SPAST: variants seen among roughly 807,000 people sequenced by gnomAD.
SPAST encodes the protein spastin.
A neutral mutation model predicts 76.6 loss-of-function variants in SPAST; 30 were observed. That is an observed-to-expected ratio of 0.39 (90% CI 0.29 to 0.53). The LOEUF (loss-of-function observed/expected upper bound fraction) is 0.53. Among genes scored for constraint, SPAST ranks in the 20% least tolerant of loss-of-function variants. SPAST has a pLI of 0.68. For missense variants in SPAST, 717 were observed against 770.5 expected (o/e 0.93, Z 0.82); for synonymous variants, 305 against 281.0 (o/e 1.09, Z -0.86).
intron 4 of SPAST, among the ~76,000 whole-genome samples, chr2:32,106,363 G>A (rs928752663): frequency 4.6e-5 from 7 of 152,122 alleles, no homozygotes; most frequent in African/African-American, 1.2e-4. Context: ...CATATGTCAC[G>A]GCTTCCCTTG....
intron 1 of SPAST, among the ~76,000 whole-genome samples, chr2:32,072,105 T>C (rs1343468509): frequency 6.6e-6 from 1 of 152,188 alleles, no homozygotes; most frequent in African/African-American, 2.4e-5. Context: ...TGCAGTGGCA[T>C]GATCTCGGCT....
chr2:32,083,270 T>G (rs1677312187), intron 1 of SPAST, among the ~76,000 whole-genome samples: 1 of 152,126 alleles, frequency 6.6e-6, no homozygotes, highest in East Asian at 1.9e-4. Flanking sequence ...GTTTTTAAAT[T>G]TTATGAATAA....
intron 1 of SPAST, among the ~76,000 whole-genome samples, chr2:32,070,733 G>A (rs931709278): frequency 1.3e-5 from 2 of 152,092 alleles, no homozygotes; most frequent in Non-Finnish European, 2.9e-5. Context: ...AGGCTCAATC[G>A]ATCCACCCAC....
chr2:32,116,256 C>T (rs1231053856), intron 7 of SPAST, 44 bp downstream of exon 7: 1 of 1,229,976 alleles, frequency 8.1e-7, no homozygotes, highest in Non-Finnish European at 1.2e-6. Context: ...CCATCTGTTA[C>T]TGAATCCATA....
Position 32,063,972 on chromosome 2 carries a change from G to A in SPAST, c.141G>A (p.Lys47=), listed in dbSNP as rs531409420. 2.5e-6 allele frequency: 4 copies of A among 1,612,978 alleles called. No homozygotes were observed. The highest frequency in any genetic ancestry group is 1.3e-5 in the African/African-American group (1 of 74,956). ...CCCCTCCGCCCGAGTCGCCGCATAA[G>A]CGGAACCTGTACTATTTCTCCTACC... ...GPAPPPESPH[K]RNLYYFSYPL... Residue 47 remains lysine, a synonymous_variant, in exon 1 of 17, where the codon AAG becomes AAA. Transcript: ENST00000315285.
Position 32,147,201 on chromosome 2 carries a change from A to C in SPAST, c.1688-17A>C. On this transcript the variant is annotated splice_polypyrimidine_tract_variant and intron_variant, in intron 15 of 16. Transcript: ENST00000315285. ...AAATGTATGTATTTTTAAGTGCCTG[A>C]CTTTTATGTTTTACAGAACTAAAAC... 1 of 1,601,232 alleles carries C rather than the reference A, an allele frequency of 6.2e-7. No individual in the cohort carries two copies. Among genetic ancestry groups the C allele is most frequent in the South Asian group, 1.1e-5 (1 of 90,768 alleles).
chr2:32,114,569 A>C (rs561910912), intron 4 of SPAST, 69 bp from the exon 5 acceptor site: 1 of 1,232,434 alleles, frequency 8.1e-7, no homozygotes, highest in African/African-American at 1.5e-5. Context: ...TTGGTTTTAC[A>C]AATGTTTGCT....
At chr2:32,075,348 C>T (rs1244031066) in intron 1 of SPAST, among the ~76,000 whole-genome samples, 2 of 148,004 alleles carry the variant, frequency 1.4e-5, no homozygotes, top group Non-Finnish European at 3.0e-5. Flanking sequence ...GTGGCGAGAA[C>T]CCAGGAGACA....
At chr2:32,143,008 A>C (rs1679771801) in intron 13 of SPAST, among the ~76,000 whole-genome samples, 1 of 152,136 alleles carries the variant, frequency 6.6e-6, no homozygotes, top group Admixed American at 6.6e-5. Flanking sequence ...TCTCACGCCT[A>C]TAATCCCAAC....
intron 1 of SPAST, among the ~76,000 whole-genome samples, chr2:32,086,590 T>C (rs564070691): frequency 2.0e-5 from 3 of 152,012 alleles, no homozygotes; most frequent in Non-Finnish European, 2.9e-5. Context: ...ACCCCGTCTT[T>C]ATACTTAAAT....
intron 4 of SPAST, among the ~76,000 whole-genome samples, chr2:32,103,720 A>G (rs1053429164): frequency 2.6e-5 from 4 of 151,946 alleles, no homozygotes; most frequent in African/African-American, 7.3e-5. Flanking sequence ...TCATTTTCTT[A>G]TATACCCAGT....
At chr2:32,115,381 A>T (rs1678789018) in intron 5 of SPAST, among the ~76,000 whole-genome samples, 1 of 152,140 alleles carries the variant, frequency 6.6e-6, no homozygotes, top group Non-Finnish European at 1.5e-5. Flanking sequence ...ATTTATTTTT[A>T]AAATTATTTC....
intron 1 of SPAST, among the ~76,000 whole-genome samples, chr2:32,076,287 G>A (rs1676960058): frequency 6.6e-6 from 1 of 151,916 alleles, no homozygotes; most frequent in South Asian, 2.1e-4. Flanking sequence ...CTTTACATAG[G>A]GTTTAAAACT....
intron 1 of SPAST, among the ~76,000 whole-genome samples, chr2:32,084,411 G>T (rs565930085): frequency 7.3e-5 from 11 of 150,602 alleles, no homozygotes; most frequent in Non-Finnish European, 1.6e-4. Flanking sequence ...TGATCCACCC[G>T]TCTCGGCCTC....
chr2:32,139,312 A>G (rs1679641770), intron 12 of SPAST, among the ~76,000 whole-genome samples: 1 of 152,198 alleles, frequency 6.6e-6, no homozygotes, highest in Non-Finnish European at 1.5e-5. Flanking sequence ...CCAAATAGGA[A>G]AAGAAGTCAT....
intron 2 of SPAST, among the ~76,000 whole-genome samples, chr2:32,087,883 A>G (rs1677556322): frequency 6.8e-6 from 1 of 148,036 alleles, no homozygotes; most frequent in African/African-American, 2.5e-5. Flanking sequence ...TATTATTATT[A>G]TTATTATTAC....
At chr2:32,088,966 A>G (rs1677602128) in intron 2 of SPAST, among the ~76,000 whole-genome samples, 1 of 152,164 alleles carries the variant, frequency 6.6e-6, no homozygotes, top group African/African-American at 2.4e-5. Flanking sequence ...GTGGGGAAAA[A>G]ATATTTTAGA....
chr2:32,114,564 T>C, intron 4 of SPAST, 74 bp from the exon 5 acceptor site: 2 of 1,175,242 alleles, frequency 1.7e-6, no homozygotes, highest in Admixed American at 3.6e-5. Context: ...TTACCTTGGT[T>C]TTACAAATGT....
intron 1 of SPAST, among the ~76,000 whole-genome samples, chr2:32,077,195 C>T (rs1044219471): frequency 1.3e-5 from 2 of 152,084 alleles, no homozygotes; most frequent in African/African-American, 4.8e-5. Flanking sequence ...TTTTAGATAT[C>T]TATTACTCTG....
Sources: gnomAD v4.1 joint callset for allele counts (sites outside exome capture counted in the v4.1 genomes callset) on GRCh38, gnomAD v4.1.1 for gene constraint, MANE v1.5 for transcripts, NCBI Gene and HGNC (gene_info 2026-07-23, HGNC 2026-07-21) for gene names.